PDE1C: variants seen among roughly 807,000 people sequenced by gnomAD.
PDE1C encodes the protein phosphodiesterase 1C, also known as dual specificity calcium/calmodulin-dependent 3',5'-cyclic nucleotide phosphodiesterase 1C.
In PDE1C, 62 loss-of-function variants were observed where a neutral mutation model predicts 93.1. The observed-to-expected ratio is 0.67, with a 90% CI of 0.54 to 0.82. PDE1C has a LOEUF of 0.82. Among genes scored for constraint, PDE1C ranks in the 40% least tolerant of loss-of-function variants. The pLI is 0.00. For synonymous variants in PDE1C, 325 were observed against 310.1 expected (o/e 1.05, Z -0.50); for missense variants, 742 against 884.6 (o/e 0.84, Z 2.04).
chr7:31,886,002 A>T (rs1442323707), intron 2 of PDE1C, among the ~76,000 whole-genome samples: 1 of 152,164 alleles, frequency 6.6e-6, no homozygotes, highest in African/African-American at 2.4e-5. Context: ...CCCTCTGAGG[A>T]TGGGGGGGCA....
chr7:31,656,757 A>T, the PDE1C span, among the ~76,000 whole-genome samples: 1 of 152,252 alleles, frequency 6.6e-6, no homozygotes, highest in East Asian at 1.9e-4. Context: ...TGGAGGAGAG[A>T]AAAGACCATT....
upstream of PDE1C, chr7:32,299,514 C>G (rs1273245297): frequency 1.3e-6 from 1 of 748,852 alleles, no homozygotes; most frequent in African/African-American, 1.9e-5. Context: ...AATAGCTTGT[C>G]CTGTCCTTTC....
At chr7:31,774,504 C>A (rs533545608) in intron 17 of PDE1C, among the ~76,000 whole-genome samples, 1 of 152,170 alleles carries the variant, frequency 6.6e-6, no homozygotes, top group African/African-American at 2.4e-5. Flanking sequence ...TGTCTGCATT[C>A]TTTGAGCCAG....
Position 32,405,253 on chromosome 7 carries a change from C to CTT in PDE1C, c.310+22567_310+22568dup, listed in dbSNP as rs59015406. Among the ~76,000 whole-genome samples the CTT allele has an allele frequency of 3.9e-3, 544 of 138,910 alleles. 7 individuals carry two copies. The highest frequency in any genetic ancestry group is 0.014 in the African/African-American group (530 of 37,918). 91.1% of individuals were successfully genotyped at this position (138,910 alleles called of 152,430 possible). A position where few individuals can be genotyped will look rare whatever the true frequency, so the allele number is the denominator to read the frequency against. On this transcript the variant is annotated intron_variant, in intron 1 of 1. Transcript: ENST00000672256. The stretch of plus-strand genomic sequence containing the variant: ...ATAATTAACTTATTTTTTCTTTTTT[C>CTT]TTTTTTTTTTTTTTTGAGATGGAAT...
At chr7:32,078,858 C>G (rs1025393908) in intron 3 of PDE1C, among the ~76,000 whole-genome samples, 1 of 148,964 alleles carries the variant, frequency 6.7e-6, no homozygotes, top group Non-Finnish European at 1.5e-5. Flanking sequence ...GCCCAGGGGT[C>G]AAGGCTGCAA....
chr7:32,258,275 C>G (rs756844707), intron 1 of PDE1C, among the ~76,000 whole-genome samples: 2 of 152,304 alleles, frequency 1.3e-5, no homozygotes, highest in Non-Finnish European at 2.9e-5. Context: ...AATAATAAAA[C>G]CTACTTCTCG....
intron 2 of PDE1C, among the ~76,000 whole-genome samples, chr7:31,959,579 A>G (rs1238654154): frequency 6.6e-6 from 1 of 152,232 alleles, no homozygotes; most frequent in Non-Finnish European, 1.5e-5. Context: ...AAAAGAAATT[A>G]ATACTAAGAC....
At chr7:32,264,235 G>T (rs1391313743) in intron 1 of PDE1C, among the ~76,000 whole-genome samples, 2 of 152,108 alleles carry the variant, frequency 1.3e-5, no homozygotes, top group African/African-American at 2.4e-5. Context: ...TTAAGTAGAG[G>T]AGTTATGCAA....
chr7:31,720,169 C>CAAAAAAA, the PDE1C span, among the ~76,000 whole-genome samples: 20 of 50,118 alleles, frequency 4.0e-4, 1 homozygote, highest in East Asian at 3.7e-3. Context: ...GACTCCGTCT[C>CAAAAAAA]AAAAAAAAAA....
intron 3 of PDE1C, among the ~76,000 whole-genome samples, chr7:32,109,085 C>G (rs1399684867): frequency 5.3e-5 from 8 of 152,138 alleles, no homozygotes; most frequent in Non-Finnish European, 1.2e-4. Context: ...CATTCAGGTA[C>G]ATTTACTGAG....
intron 3 of PDE1C, among the ~76,000 whole-genome samples, chr7:32,120,529 C>A (rs1041212705): frequency 1.3e-5 from 2 of 152,166 alleles, no homozygotes; most frequent in Admixed American, 1.3e-4. Context: ...AAGGAGCAGG[C>A]ACCAGTCTTT....
chr7:32,347,680 G>A (rs1052554998), intron 1 of PDE1C, among the ~76,000 whole-genome samples: 1 of 152,192 alleles, frequency 6.6e-6, no homozygotes, highest in African/African-American at 2.4e-5. Flanking sequence ...ACCTGGCAAA[G>A]AGCTATGTGT....
chr7:31,749,222 A>G (rs1794068357), downstream of PDE1C, among the ~76,000 whole-genome samples: 1 of 151,970 alleles, frequency 6.6e-6, no homozygotes, highest in Non-Finnish European at 1.5e-5. Flanking sequence ...TCACTGCCCT[A>G]CCTTTGTGAG....
At chr7:32,031,850 G>T (rs543546875) in intron 2 of PDE1C, among the ~76,000 whole-genome samples, 2 of 152,150 alleles carry the variant, frequency 1.3e-5, no homozygotes, top group African/African-American at 4.8e-5. Context: ...AAGAGATGGG[G>T]CAAGGAGACT....
intron 6 of PDE1C, among the ~76,000 whole-genome samples, chr7:31,869,489 A>AT (rs1202005882): frequency 6.6e-6 from 1 of 152,084 alleles, no homozygotes; most frequent in African/African-American, 2.4e-5. Flanking sequence ...ATCAGATAAA[A>AT]CAGACTTTAA....
chr7:32,276,551 C>T (rs1214434672), intron 1 of PDE1C, among the ~76,000 whole-genome samples: 1 of 152,116 alleles, frequency 6.6e-6, no homozygotes, highest in East Asian at 1.9e-4. Context: ...AGAAAGGCAG[C>T]TCTTTGCAAG....
rs1394423772 is a variant in PDE1C at position 32,335,442 on chromosome 7, C to A, written c.310+92380G>T. Among the ~76,000 whole-genome samples, 4 of 152,188 alleles carry A rather than the reference C, an allele frequency of 2.6e-5. No homozygotes were observed. In the East Asian group the frequency reaches 5.8e-4, roughly 22 times the overall value. ...TGCTAGGGCTTCCATAGCAAAGTAC[C>A]ACAGACTGAGTGGCTTAAAGAATGG... On this transcript the variant is annotated intron_variant, in intron 1 of 1. Coordinates refer to the PDE1C transcript ENST00000672256.
intron 1 of PDE1C, among the ~76,000 whole-genome samples, chr7:32,378,029 T>A (rs1784463261): frequency 6.6e-6 from 1 of 152,186 alleles, no homozygotes; most frequent in Admixed American, 6.5e-5. Context: ...ATTTAACCAT[T>A]TACATTTGGG....
chr7:32,053,669 C>A (rs751122197), intron 1 of PDE1C, among the ~76,000 whole-genome samples: 19 of 152,102 alleles, frequency 1.2e-4, no homozygotes, highest in Non-Finnish European at 2.6e-4. Context: ...TATTGGTTTC[C>A]ACAGAATTCT....
Sources: allele counts gnomAD v4.1 joint callset (sites outside exome capture counted in the v4.1 genomes callset), GRCh38; gene constraint gnomAD v4.1.1; transcripts MANE v1.5; gene names NCBI Gene and HGNC (gene_info 2026-07-23, HGNC 2026-07-21).